APBA2: variants seen among roughly 807,000 people sequenced by gnomAD.
APBA2 encodes amyloid-beta A4 precursor protein-binding family A member 2.
Under a neutral mutation model 75.0 loss-of-function variants are expected in APBA2, and 30 were observed. The observed-to-expected ratio is 0.40, with a 90% CI of 0.30 to 0.54. The LOEUF is 0.54. APBA2 is among the 20% of genes least tolerant of loss of function. The probability of loss-of-function intolerance (pLI) is 0.49; values close to 1 mark genes in which losing one functional copy is unlikely to be tolerated. For synonymous variants in APBA2, 444 were observed against 409.6 expected, an observed-to-expected ratio of 1.08 and a Z score of -1.01; for missense variants, 801 against 1,016.1, an observed-to-expected ratio of 0.79 and a Z score of 2.88.
intron 6 of APBA2, among the ~76,000 whole-genome samples, chr15:29,085,985 G>C (rs1566989517): frequency 2.0e-5 from 3 of 152,154 alleles, no homozygotes; most frequent in Non-Finnish European, 2.9e-5. Context: ...CCTGTGTGGG[G>C]GATGGACTTA....
chr15:29,066,807 T>A (rs2042398327), intron 4 of APBA2, among the ~76,000 whole-genome samples: 1 of 152,180 alleles, frequency 6.6e-6, no homozygotes, highest in Non-Finnish European at 1.5e-5. Context: ...TAAAACCAAG[T>A]TGAGCCAGTC....
intron 2 of APBA2, among the ~76,000 whole-genome samples, chr15:28,980,072 A>G (rs932871100): frequency 1.3e-5 from 2 of 152,182 alleles, no homozygotes; most frequent in African/African-American, 2.4e-5. Context: ...GAGATGTTCA[A>G]TGTAAATTGT....
chr15:28,966,170 T>C (rs2036727519), intron 2 of APBA2, among the ~76,000 whole-genome samples: 1 of 152,228 alleles, frequency 6.6e-6, no homozygotes, highest in East Asian at 1.9e-4. Flanking sequence ...ATGTGTATTC[T>C]GCAGTTTTTG....
intron 6 of APBA2, 150 bp downstream of exon 6, chr15:29,076,241 C>A: frequency 1.2e-6 from 1 of 861,286 alleles, no homozygotes; most frequent in Non-Finnish European, 2.0e-6. Flanking sequence ...TGTTTGAACA[C>A]TGTGTAGCCC....
chr15:28,888,260 G>C (rs538171022), intron 1 of APBA2, among the ~76,000 whole-genome samples: 3 of 152,316 alleles, frequency 2.0e-5, no homozygotes, highest in Non-Finnish European at 4.4e-5. Context: ...AAAAATAAGA[G>C]ATAATTGTAA....
At chr15:28,910,785 G>A (rs1226695484) in intron 1 of APBA2, among the ~76,000 whole-genome samples, 1 of 152,126 alleles carries the variant, frequency 6.6e-6, no homozygotes, top group African/African-American at 2.4e-5. Flanking sequence ...TGATACAGCC[G>A]TGTCAGTTTG....
At chr15:28,896,480 C>T (rs1176328473) in intron 1 of APBA2, among the ~76,000 whole-genome samples, 4 of 152,184 alleles carry the variant, frequency 2.6e-5, no homozygotes, top group Admixed American at 6.5e-5. Context: ...AGGGTTTCAC[C>T]GTGTTAGCCA....
At chr15:28,992,152 C>T (rs555413043) in intron 2 of APBA2, among the ~76,000 whole-genome samples, 2 of 152,052 alleles carry the variant, frequency 1.3e-5, no homozygotes, top group African/African-American at 4.8e-5. Flanking sequence ...TTGGAGGGGA[C>T]GCTCACATGA....
chr15:29,108,531 C>A, intron 13 of APBA2, 142 bp downstream of exon 13: 1 of 1,341,088 alleles, frequency 7.5e-7, no homozygotes. Flanking sequence ...AGCCAGGCCA[C>A]CTGGGGCAGG....
chr15:28,935,571 G>A (rs1277323778), intron 2 of APBA2, among the ~76,000 whole-genome samples: 1 of 152,188 alleles, frequency 6.6e-6, no homozygotes, highest in Non-Finnish European at 1.5e-5. Context: ...GCAGCATGAA[G>A]TTCAGGGTTG....
chr15:28,996,964 TCA>T (rs1269646870), intron 3 of APBA2, among the ~76,000 whole-genome samples: 6 of 152,176 alleles, frequency 3.9e-5, no homozygotes, highest in African/African-American at 1.2e-4. Context: ...AGGTTCAGAA[TCA>T]CAGTTTTTCT....
rs1344856818 is a variant in APBA2 at position 28,914,995 on chromosome 15, T to C, written c.-204-6645T>C. Among the ~76,000 whole-genome samples, 3 of 81,050 alleles carry C rather than the reference T, an allele frequency of 3.7e-5. No homozygotes were observed. The South Asian group carries it at 1.4e-3, about 37-fold the overall frequency. The allele number at this position is 81,050 out of a possible 152,430, so 53.2% of individuals were successfully genotyped here. On this transcript the variant is annotated intron_variant, in intron 1 of 14. Coordinates refer to ENST00000683413, the MANE Select transcript of APBA2 (RefSeq NM_001353788.2). ...GCATACCCCATACACGCCACACACA[T>C]ATCATACCCACCTCACACACACCAC...
At chr15:29,088,273 A>G (rs930330670) in intron 6 of APBA2, among the ~76,000 whole-genome samples, 5 of 152,056 alleles carry the variant, frequency 3.3e-5, no homozygotes, top group Admixed American at 6.6e-5. Flanking sequence ...CCCCTTGCCC[A>G]TGACCTTCCT....
chr15:29,057,488 A>G (rs1048964420), intron 4 of APBA2, among the ~76,000 whole-genome samples: 3 of 152,228 alleles, frequency 2.0e-5, no homozygotes, highest in African/African-American at 4.8e-5. Flanking sequence ...TGTATTCTCC[A>G]TGGTCCCTAC....
chr15:28,989,816 C>A (rs1172846957), intron 2 of APBA2, among the ~76,000 whole-genome samples: 2 of 152,194 alleles, frequency 1.3e-5, no homozygotes, highest in African/African-American at 4.8e-5. Context: ...TGCCTGCAGA[C>A]CTTCTCTTCC....
intron 2 of APBA2, among the ~76,000 whole-genome samples, chr15:28,926,699 A>G (rs1441130071): frequency 2.0e-5 from 3 of 151,980 alleles, no homozygotes; most frequent in Non-Finnish European, 4.4e-5. Flanking sequence ...CGTTTATTTC[A>G]GGGTATATAT....
intron 3 of APBA2, among the ~76,000 whole-genome samples, chr15:29,027,695 C>T (rs7174735): frequency 0.22 from 34,104 of 151,602 alleles, 5,202 homozygotes; most frequent in East Asian, 0.46. Flanking sequence ...CTCCGCCTCC[C>T]GGGTTCCCGC....
chr15:29,009,236 C>T (rs2039282536), intron 3 of APBA2, among the ~76,000 whole-genome samples: 1 of 152,164 alleles, frequency 6.6e-6, no homozygotes, highest in Non-Finnish European at 1.5e-5. Flanking sequence ...TTTCTAGTCT[C>T]ATAGCACATT....
chr15:28,929,067 A>G (rs2034428008), intron 2 of APBA2, among the ~76,000 whole-genome samples: 1 of 152,202 alleles, frequency 6.6e-6, no homozygotes, highest in Non-Finnish European at 1.5e-5. Context: ...TTTTCTAGTC[A>G]TGAGGATGGG....
Sources: allele counts gnomAD v4.1 joint callset (sites outside exome capture counted in the v4.1 genomes callset), GRCh38; gene constraint gnomAD v4.1.1; transcripts MANE v1.5; gene names NCBI Gene and HGNC (gene_info 2026-07-23, HGNC 2026-07-21).